SYNE2: variants seen among roughly 807,000 people sequenced by gnomAD.
The protein encoded by SYNE2 is nesprin-2.
SYNE2 carries 431 observed loss-of-function variants against 856.3 expected under a neutral mutation model. The ratio of observed to expected loss-of-function variants is 0.50; its 90% CI spans 0.47 to 0.55. The LOEUF (loss-of-function observed/expected upper bound fraction) is 0.55, where lower values mean the gene tolerates loss of function less well. Among genes scored for constraint, SYNE2 ranks in the 20% least tolerant of loss-of-function variants. The probability of loss-of-function intolerance (pLI) is 0.00; values close to 1 mark genes in which losing one functional copy is unlikely to be tolerated. For missense variants in SYNE2, 8,129 were observed against 8,023.2 expected, an observed-to-expected ratio of 1.01 and a Z score of -0.50; for synonymous variants, 2,923 against 2,872.3, an observed-to-expected ratio of 1.02 and a Z score of -0.56.
At chr14:63,860,023 T>C (rs1054482960) in intron 1 of SYNE2, among the ~76,000 whole-genome samples, 2 of 143,848 alleles carry the variant, frequency 1.4e-5, no homozygotes, top group East Asian at 4.6e-4. Context: ...TGTCTAGCTT[T>C]GTTGCCCAGC....
At chr14:63,810,767 T>C (rs1203562868) in intron 1 of SYNE2, among the ~76,000 whole-genome samples, 1 of 152,240 alleles carries the variant, frequency 6.6e-6, no homozygotes, top group Admixed American at 6.5e-5. Flanking sequence ...AAAGTACTTT[T>C]GTAAACGGAA....
chr14:63,851,981 G>C (rs1245130847), upstream of SYNE2, among the ~76,000 whole-genome samples: 5 of 4,408 alleles, frequency 1.1e-3, 1 homozygote, highest in African/African-American at 2.1e-3. Flanking sequence ...TAAGCGGGGG[G>C]GGGGGGGGGG....
At chr14:64,107,811 G>A (rs1344888095) in intron 65 of SYNE2, among the ~76,000 whole-genome samples, 2 of 152,210 alleles carry the variant, frequency 1.3e-5, no homozygotes, top group African/African-American at 2.4e-5. Flanking sequence ...ATGGCATAGA[G>A]AATTAGACGC....
chr14:63,859,432 T>A (rs956570402), intron 1 of SYNE2, among the ~76,000 whole-genome samples: 1 of 152,276 alleles, frequency 6.6e-6, no homozygotes, highest in Non-Finnish European at 1.5e-5. Context: ...CTGATATAGG[T>A]GTTTAGTCTT....
At position 64,221,647 on chromosome 14, in the gene SYNE2, T is replaced by A. The variant is rs1355561928; in HGVS notation, c.20133T>A (p.His6711Gln). The A allele has an allele frequency of 6.2e-7, 1 of 1,614,174 alleles. No individual in the cohort carries two copies. The highest frequency in any genetic ancestry group is 8.5e-7 in the Non-Finnish European group (1 of 1,180,040). ...ASAKNRRQKA[H>Q]VTDPKADPRA... ...CCAAGAACCGGAGGCAGAAGGCTCA[T>A]GTCACCGATCCAAAGGCAGACCCCC... Residue 6711 changes from histidine to glutamine, a missense_variant, in exon 112 of 116, where the codon CAT becomes CAA. Around this residue, in one of 3 missense-constraint regions of SYNE2, gnomAD observed 5,410 missense variants for 5,284.8 expected, o/e 1.02. Transcript: ENST00000555002.
intron 2 of SYNE2, among the ~76,000 whole-genome samples, chr14:63,924,857 T>TTTTTTTTTTTTTTTG (rs2095644618): frequency 7.4e-6 from 1 of 135,792 alleles, no homozygotes. Flanking sequence ...TTTTTTTTTT[T>TTTTTTTTTTTTTTTG]TTTTTTGCCT....
intron 18 of SYNE2, among the ~76,000 whole-genome samples, chr14:63,986,199 A>G (rs1183377364): frequency 1.3e-5 from 2 of 152,084 alleles, no homozygotes; most frequent in Non-Finnish European, 2.9e-5. Flanking sequence ...TCCTGGGTTT[A>G]GGCAATTCGC....
Position 64,052,348 on chromosome 14 carries a change from G to T in SYNE2, c.8435G>T (p.Arg2812Leu), listed in dbSNP as rs553109676. Reference sequence around the variant, plus strand: ...TTAAATAATACCCTAGAGGACTTACGGAATCAATACCAAATGCTGGTTTTA... The same window carrying T: ...TTAAATAATACCCTAGAGGACTTACTGAATCAATACCAAATGCTGGTTTTA... Reference protein sequence around the residue: ...SDLNNTLEDLRNQYQMLVLKS... With the variant: ...SDLNNTLEDLLNQYQMLVLKS... Residue 2812 changes from arginine (R) to leucine (L), a missense_variant, in exon 48 of 116, where the codon CGG (arginine) becomes CTG (leucine). Physicochemically the swap from Arg to Leu is moderately radical, Grantham distance 102. Around this residue, in one of 3 missense-constraint regions of SYNE2, gnomAD observed 5,410 missense variants for 5,284.8 expected, o/e 1.02. Coordinates refer to ENST00000555002, the MANE Select transcript of SYNE2 (RefSeq NM_182914.3). 1.9e-6 allele frequency: 3 copies of T among 1,613,924 alleles called. No homozygotes were observed.
intron 105 of SYNE2, among the ~76,000 whole-genome samples, 168 bp downstream of exon 105, chr14:64,213,173 T>C (rs904787552): frequency 5.3e-5 from 8 of 152,220 alleles, no homozygotes; most frequent in African/African-American, 1.2e-4. Flanking sequence ...TTTATTAATA[T>C]AGAGCCACAG....
Position 64,029,879 on chromosome 14 carries a change from G to A in SYNE2, c.6715-16G>A, listed in dbSNP as rs1172233329. 1.9e-6 allele frequency: 3 copies of A among 1,611,366 alleles called. No homozygotes were observed. Among genetic ancestry groups the A allele is most frequent in the South Asian group, 2.2e-5 (2 of 90,566 alleles). ...GAGAGAAATAATTTGTAAATTGTCT[G>A]TGGCTTTATTTTTAGGATTCTGTGC... On this transcript the variant is annotated splice_polypyrimidine_tract_variant and intron_variant, in intron 43 of 115. Coordinates refer to ENST00000555002, the MANE Select transcript of SYNE2 (RefSeq NM_182914.3).
chr14:64,044,976 T>TA (rs2097175350), intron 45 of SYNE2, among the ~76,000 whole-genome samples: 1 of 152,162 alleles, frequency 6.6e-6, no homozygotes, highest in Non-Finnish European at 1.5e-5. Flanking sequence ...TATTTTAAAA[T>TA]AAAATGTTTA....
chr14:64,117,487 G>C (rs145312630), intron 66 of SYNE2, among the ~76,000 whole-genome samples: 1 of 151,914 alleles, frequency 6.6e-6, no homozygotes, highest in Non-Finnish European at 1.5e-5. Flanking sequence ...TGTAGACTCA[G>C]GGTCTCACTG....
intron 41 of SYNE2, among the ~76,000 whole-genome samples, chr14:64,025,679 A>G (rs1349710158): frequency 6.6e-6 from 1 of 152,236 alleles, no homozygotes; most frequent in Admixed American, 6.5e-5. Flanking sequence ...TGAGTGCAGA[A>G]GAATTGAAAT....
intron 1 of SYNE2, chr14:63,762,071 C>A: frequency 2.0e-6 from 1 of 491,812 alleles, no homozygotes; most frequent in Non-Finnish European, 4.2e-6. Flanking sequence ...TCTGCTTTGA[C>A]TGTACAATTT....
chr14:63,945,783 C>G (rs761376429), intron 6 of SYNE2, among the ~76,000 whole-genome samples: 3 of 152,088 alleles, frequency 2.0e-5, no homozygotes, highest in Non-Finnish European at 4.4e-5. Flanking sequence ...TGTCACTATG[C>G]CCAGCTAATT....
intron 45 of SYNE2, 30 bp downstream of exon 45, chr14:64,031,387 A>G: frequency 6.3e-7 from 1 of 1,590,920 alleles, no homozygotes; most frequent in Non-Finnish European, 8.6e-7. Flanking sequence ...CTTTCAAGAC[A>G]GTGAGTCTGA....
intron 49 of SYNE2, among the ~76,000 whole-genome samples, chr14:64,058,597 A>G (rs2097291915): frequency 6.6e-6 from 1 of 152,120 alleles, no homozygotes; most frequent in East Asian, 1.9e-4. Flanking sequence ...CTCTTGCCTC[A>G]GCCTCCCAGG....
chr14:64,083,966 C>T (rs542068550), intron 57 of SYNE2, among the ~76,000 whole-genome samples: 28 of 151,302 alleles, frequency 1.9e-4, no homozygotes, highest in African/African-American at 6.8e-4. Flanking sequence ...CTCTTTTTGC[C>T]CAGCCTGGAG....
chr14:63,903,235 T>C (rs996906225), intron 1 of SYNE2, among the ~76,000 whole-genome samples: 1 of 152,234 alleles, frequency 6.6e-6, no homozygotes, highest in Non-Finnish European at 1.5e-5. Context: ...GCTATGACAG[T>C]ATTTGGGTTA....
Sources: gnomAD v4.1 joint callset for allele counts (sites outside exome capture counted in the v4.1 genomes callset) on GRCh38, gnomAD v4.1.1 for gene constraint, gnomAD v4.1.1 regional missense constraint, MANE v1.5 for transcripts, NCBI Gene and HGNC (gene_info 2026-07-23, HGNC 2026-07-21) for gene names.